The following KAZN variants were observed in gnomAD, a reference collection of about 807,000 sequenced individuals.
The protein encoded by KAZN is kazrin, periplakin interacting protein, also known as kazrin.
Under a neutral mutation model 87.4 loss-of-function variants are expected in KAZN, and 40 were observed. That is an observed-to-expected ratio of 0.46 (90% CI 0.36 to 0.60). KAZN has a LOEUF of 0.60. Ranked by LOEUF, KAZN falls within the 20% of genes least tolerant of loss-of-function variation. KAZN has a pLI of 0.00. For synonymous variants in KAZN, 466 were observed against 458.3 expected (o/e 1.02, Z -0.22); for missense variants, 898 against 1,073.9 (o/e 0.84, Z 2.29).
intron 1 of KAZN, among the ~76,000 whole-genome samples, chr1:13,895,165 G>A (rs1185393664): frequency 6.6e-6 from 1 of 152,210 alleles, no homozygotes; most frequent in African/African-American, 2.4e-5. Context: ...GACAATGGAA[G>A]CATTGAACAC....
chr1:14,636,768 G>GGAAT (rs1680020634), intron 1 of KAZN, among the ~76,000 whole-genome samples: 1 of 152,272 alleles, frequency 6.6e-6, no homozygotes, highest in African/African-American at 2.4e-5. Flanking sequence ...ATGAGCAAGG[G>GGAAT]GAATCTAAAC....
At chr1:15,005,730 G>A (rs533076114) in intron 2 of KAZN, among the ~76,000 whole-genome samples, 5 of 152,184 alleles carry the variant, frequency 3.3e-5, no homozygotes, top group African/African-American at 1.2e-4. Context: ...AGAGGTGGCA[G>A]GGAGGTGAGA....
chr1:14,438,609 A>G (rs1386490523), intron 2 of KAZN, among the ~76,000 whole-genome samples: 1 of 152,228 alleles, frequency 6.6e-6, no homozygotes, highest in Non-Finnish European at 1.5e-5. Flanking sequence ...TGGTAAACAC[A>G]AACAGCACGT....
At chr1:14,138,855 GGCATGGCTCTTCCA>G in intron 1 of KAZN, among the ~76,000 whole-genome samples, 2 of 101,406 alleles carry the variant, frequency 2.0e-5, no homozygotes, top group South Asian at 6.0e-4. Flanking sequence ...TTCCAAGGCA[GGCATGGCTCTTCCA>G]ACACTAAGAA....
intron 2 of KAZN, among the ~76,000 whole-genome samples, chr1:14,293,313 A>G (rs1412790526): frequency 6.6e-6 from 1 of 152,212 alleles, no homozygotes; most frequent in East Asian, 1.9e-4. Flanking sequence ...AATTACTAAA[A>G]CTGTAAATGA....
At chr1:14,644,544 G>A (rs1457608825) in intron 1 of KAZN, among the ~76,000 whole-genome samples, 1 of 151,528 alleles carries the variant, frequency 6.6e-6, no homozygotes, top group Non-Finnish European at 1.5e-5. Context: ...TGTATTTTTA[G>A]TAGAGACGGG....
chr1:14,475,866 C>T (rs997197191), intron 2 of KAZN, among the ~76,000 whole-genome samples: 13 of 152,006 alleles, frequency 8.6e-5, no homozygotes, highest in African/African-American at 3.1e-4. Flanking sequence ...CCTGTCTTCT[C>T]AGATAGTCTG....
intron 8 of KAZN, chr1:15,067,680 CT>C (rs1195395000): frequency 3.0e-6 from 3 of 985,320 alleles, no homozygotes; most frequent in Non-Finnish European, 3.6e-6. Context: ...ACAAACAACA[CT>C]TTCCTTCTGA....
chr1:15,047,618 A>G (rs1184318541), intron 4 of KAZN, among the ~76,000 whole-genome samples: 1 of 152,144 alleles, frequency 6.6e-6, no homozygotes, highest in Non-Finnish European at 1.5e-5. Flanking sequence ...TGAAAATACA[A>G]AAATCAGCTA....
chr1:14,775,146 G>A (rs1044368988), intron 1 of KAZN, among the ~76,000 whole-genome samples: 3 of 152,190 alleles, frequency 2.0e-5, no homozygotes, highest in African/African-American at 7.2e-5. Flanking sequence ...CAGCAGCCTG[G>A]GACATTGGCA....
rs1157331680 is a variant in KAZN, at chr1:15,117,998, C to G, written c.*3363C>G. The stretch of plus-strand genomic sequence containing the variant: ...GGGCCGTGGCCCCAAATCGCTTCCC[C>G]GAGAGTGAATTTTAACACTGTAACA... On this transcript the variant is annotated 3_prime_UTR_variant, in exon 15 of 15. Coordinates refer to ENST00000376030, the MANE Select transcript of KAZN (RefSeq NM_201628.3). 6.6e-6 allele frequency: 1 copy of G among 152,216 alleles called. No individual in the cohort carries two copies. The highest frequency in any genetic ancestry group is 1.5e-5 in the Non-Finnish European group (1 of 68,056). 9.4% of individuals were successfully genotyped at this position (152,216 alleles called of 1,614,324 possible).
intron 2 of KAZN, among the ~76,000 whole-genome samples, chr1:14,268,584 G>A (rs1463909582): frequency 6.6e-6 from 1 of 152,136 alleles, no homozygotes; most frequent in African/African-American, 2.4e-5. Flanking sequence ...TCTCACCTCT[G>A]TTTTCAATGA....
intron 2 of KAZN, among the ~76,000 whole-genome samples, chr1:14,344,832 T>G (rs958594470): frequency 6.6e-6 from 1 of 152,092 alleles, no homozygotes; most frequent in African/African-American, 2.4e-5. Flanking sequence ...GCAAAAAGAT[T>G]TTTTTAACTC....
chr1:15,011,555 AT>A (rs1404327192), intron 2 of KAZN, among the ~76,000 whole-genome samples: 1 of 151,996 alleles, frequency 6.6e-6, no homozygotes, highest in East Asian at 1.9e-4. Flanking sequence ...CCAAATACTC[AT>A]ATTCTCATGG....
At chr1:14,814,968 G>A (rs1185019440) in intron 1 of KAZN, among the ~76,000 whole-genome samples, 1 of 152,170 alleles carries the variant, frequency 6.6e-6, no homozygotes, top group East Asian at 1.9e-4. Flanking sequence ...GTAAAGCCTT[G>A]GGTTGCTGTC....
At chr1:14,140,519 G>A (rs1269581148) in intron 1 of KAZN, among the ~76,000 whole-genome samples, 1 of 151,696 alleles carries the variant, frequency 6.6e-6, no homozygotes, top group African/African-American at 2.4e-5. Context: ...TTAGAGGGAG[G>A]GAGGCCTTCC....
At chr1:14,402,653 AAGAGT>A (rs1429562793) in intron 2 of KAZN, among the ~76,000 whole-genome samples, 1 of 152,226 alleles carries the variant, frequency 6.6e-6, no homozygotes, top group African/African-American at 2.4e-5. Context: ...AATCACACAG[AAGAGT>A]AAACATCGAA....
intron 2 of KAZN, among the ~76,000 whole-genome samples, chr1:14,351,688 C>A (rs1293934639): frequency 6.6e-6 from 1 of 152,222 alleles, no homozygotes; most frequent in Non-Finnish European, 1.5e-5. Flanking sequence ...AAACAAAGAA[C>A]AGCCCTTTGA....
At chr1:14,408,819 C>T (rs1004532732) in intron 2 of KAZN, among the ~76,000 whole-genome samples, 2 of 151,500 alleles carry the variant, frequency 1.3e-5, no homozygotes, top group African/African-American at 4.9e-5. Context: ...TGACAAACCA[C>T]GAACAAGTAC....
Sources: allele counts gnomAD v4.1 joint callset (sites outside exome capture counted in the v4.1 genomes callset), GRCh38; gene constraint gnomAD v4.1.1; transcripts MANE v1.5; gene names NCBI Gene and HGNC (gene_info 2026-07-23, HGNC 2026-07-21).